PHRF1: variants seen among roughly 807,000 people sequenced by gnomAD.
PHRF1 encodes PHD and RING finger domain-containing protein 1.
In PHRF1, 53 loss-of-function variants were observed where a neutral mutation model predicts 128.9. The ratio of observed to expected loss-of-function variants is 0.41; its 90% confidence interval spans 0.33 to 0.52. The LOEUF (loss-of-function observed/expected upper bound fraction) is 0.52. PHRF1 is among the 20% of genes least tolerant of loss of function. The pLI, the probability that PHRF1 is intolerant of heterozygous loss-of-function variation, is 0.21. For synonymous variants in PHRF1, 1,178 were observed against 980.6 expected (o/e 1.20, Z -3.76); for missense variants, 2,503 against 2,284.5 (o/e 1.10, Z -1.95).
intron 3 of PHRF1, among the ~76,000 whole-genome samples, chr11:586,536 C>T (rs1232056635): frequency 2.0e-5 from 3 of 152,220 alleles, no homozygotes; most frequent in African/African-American, 7.2e-5. Context: ...CTGCCACCCA[C>T]ACCGAGTCTG....
intron 9 of PHRF1, among the ~76,000 whole-genome samples, chr11:600,827 A>G (rs1478986819): frequency 1.3e-5 from 2 of 152,098 alleles, no homozygotes; most frequent in African/African-American, 4.8e-5. Flanking sequence ...TTAGCCGGGC[A>G]TGGTGGCGGG....
In PHRF1 at chr11:582,587, C is replaced by T. The variant is rs191605950; in HGVS notation, c.214+506C>T. 4.2e-3 allele frequency among the ~76,000 whole-genome samples: 631 copies of T among 152,018 alleles called. 6 individuals are homozygous for T. Among genetic ancestry groups the T allele is most frequent in the Middle Eastern group, 0.02 (6 of 294 alleles). On this transcript the variant is annotated intron_variant, in intron 3 of 17. Transcript: ENST00000264555. Reference sequence around the variant, plus strand: ...GTCGCCCAGGCTGAGTGCAGTGGCGCGATCTCGGCTCACTGCAAGCTCTGC... The same window carrying T: ...GTCGCCCAGGCTGAGTGCAGTGGCGTGATCTCGGCTCACTGCAAGCTCTGC...
intron 5 of PHRF1, 71 bp downstream of exon 5, chr11:591,538 T>C: frequency 7.8e-7 from 1 of 1,287,394 alleles, no homozygotes; most frequent in Non-Finnish European, 1.1e-6. Flanking sequence ...GAGCATGCTT[T>C]CCAAAGTGGG....
chr11:609,593 G>C lies in PHRF1; in HGVS notation c.4137G>C (p.Gln1379His), dbSNP rs1276525910. 6.3e-7 allele frequency: 1 copy of C among 1,595,452 alleles called. No individual in the cohort carries two copies. The highest frequency in any genetic ancestry group is 8.5e-7 in the Non-Finnish European group (1 of 1,172,622). ...GCCCCTCTGCGAGTGGGAGGGTACA[G>C]GAGGCAGCCCGGCCTGAGGAGGTGG... Reference protein sequence around the residue: ...EDSPSASGRVQEAARPEEVVS... With the variant: ...EDSPSASGRVHEAARPEEVVS... The change falls in exon 14 of 18, where the codon CAG becomes CAC. Residue 1379 changes from glutamine to histidine, a missense_variant. Gln to His is a conservative substitution (Grantham distance 24, BLOSUM62 0). Transcript: ENST00000264555.
intron 9 of PHRF1, among the ~76,000 whole-genome samples, chr11:598,723 A>G (rs36060383): frequency 2.0e-5 from 3 of 152,110 alleles, no homozygotes; most frequent in African/African-American, 7.2e-5. Flanking sequence ...TGTCAGGGTG[A>G]TGCCGGCCTT....
chr11:594,285 T>C (rs1407833573), intron 6 of PHRF1, among the ~76,000 whole-genome samples: 2 of 152,156 alleles, frequency 1.3e-5, no homozygotes, highest in African/African-American at 4.8e-5. Context: ...GACCTGGTCC[T>C]GGTCGCCACA....
In PHRF1 at chr11:587,386, A is replaced by T. The variant is rs1461741712; in HGVS notation, c.342A>T (p.Ala114=). 3 of 1,613,908 alleles carry T rather than the reference A, an allele frequency of 1.9e-6. No homozygotes were observed. The highest frequency in any genetic ancestry group is 1.1e-5 in the South Asian group (1 of 91,074). ...DAESCPICLN[A]FRDQAVGTPE... ...AGAGCTGCCCAATCTGTCTCAACGC[A>T]TTCAGAGACCAGGCCGTGGGGACGC... Residue 114 remains alanine (A), a synonymous_variant, in exon 4 of 18, where the codon GCA becomes GCT. Transcript: ENST00000264555.
chr11:600,254 CTTTT>C (rs753738754), intron 9 of PHRF1, among the ~76,000 whole-genome samples: 2 of 141,684 alleles, frequency 1.4e-5, no homozygotes, highest in Admixed American at 7.1e-5. Context: ...ATTTTTATTC[CTTTT>C]TTTTTTTTTT....
chr11:610,478 C>G (rs772955094), intron 15 of PHRF1, 23 bp from the exon 16 acceptor site: 2 of 1,594,022 alleles, frequency 1.3e-6, no homozygotes, highest in South Asian at 2.2e-5. Flanking sequence ...GGGCCCAGTG[C>G]TCAGCAGGGG....
Position 611,989 on chromosome 11 carries a change from G to A in PHRF1, c.*212G>A. 1 of 695,000 alleles carries A rather than the reference G, an allele frequency of 1.4e-6. No homozygotes were observed. Among genetic ancestry groups the A allele is most frequent in the Non-Finnish European group, 2.3e-6 (1 of 426,294 alleles). The allele number at this position is 695,000 out of a possible 1,614,324, so 43.1% of individuals were successfully genotyped here. A position where few individuals can be genotyped will look rare whatever the true frequency, so the allele number is the denominator to read the frequency against. The stretch of plus-strand genomic sequence containing the variant: ...CTGTGTTGCTCACAGTTGAAAACTG[G>A]ACACTTTTGTATGTATATTATAGAG... On this transcript the variant is annotated 3_prime_UTR_variant, in exon 18 of 18. Transcript: ENST00000264555.
intron 10 of PHRF1, among the ~76,000 whole-genome samples, chr11:603,725 G>GTTTTTTTT (rs1233128066): frequency 1.9e-5 from 2 of 103,280 alleles, no homozygotes; most frequent in Non-Finnish European, 1.8e-5. Flanking sequence ...CCATATTTAA[G>GTTTTTTTT]TTTGTTTTTT....
Position 597,678 on chromosome 11 carries a change from G to GA in PHRF1, c.894+108_894+109insA. 1 of 1,363,320 alleles carries GA rather than the reference G, an allele frequency of 7.3e-7. No individual in the cohort carries two copies. Among genetic ancestry groups the GA allele is most frequent in the Non-Finnish European group, 9.9e-7 (1 of 1,008,606 alleles). The allele number at this position is 1,363,320 out of a possible 1,614,324, so 84.5% of individuals were successfully genotyped here. A position where few individuals can be genotyped will look rare whatever the true frequency, so the allele number is the denominator to read the frequency against. On this transcript the variant is annotated intron_variant, in intron 8 of 17. Coordinates refer to ENST00000264555, the MANE Select transcript of PHRF1 (RefSeq NM_001286581.2). The surrounding 1 kb of genome is among the most constrained non-coding windows in gnomAD (Gnocchi z 6.5). ...TCGTCGGCACTGTGGGGTCCGCCCG[G>GA]CCCCGGTGGCTCATGTTGTTCGGCC...
In PHRF1 at chr11:608,734, C is replaced by T. The variant is rs768096415; in HGVS notation, c.3278C>T (p.Ser1093Leu). The T allele has an allele frequency of 1.2e-5, 19 of 1,611,204 alleles. No homozygotes were observed. The African/African-American group carries it at 1.3e-4, about 11-fold the overall frequency. ...GHSRRTSRSR[S>L]GSPGSSSYEH... ...AGCCGGAGGACGTCCCGGTCGCGGT[C>T]GGGGAGCCCTGGCAGCTCTTCCTAT... The change falls in exon 14 of 18, where the codon TCG (serine) becomes TTG (leucine). Residue 1093 changes from serine (S) to leucine (L), a missense_variant. Physicochemically the swap from Ser to Leu is moderately radical, Grantham distance 145 (BLOSUM62 -2). Transcript: ENST00000264555.
At chr11:603,414 C>G (rs1855756155) in intron 10 of PHRF1, among the ~76,000 whole-genome samples, 1 of 151,798 alleles carries the variant, frequency 6.6e-6, no homozygotes, top group African/African-American at 2.4e-5. Flanking sequence ...CTCACTGCAC[C>G]CGCCTTGACC....
chr11:606,365 C>T, intron 12 of PHRF1, 77 bp from the exon 13 acceptor site: 1 of 1,456,130 alleles, frequency 6.9e-7, no homozygotes, highest in Non-Finnish European at 9.1e-7. Context: ...CTCCCGCCTG[C>T]TGCGGGGCTC....
chr11:602,138 C>A (rs1301630140), intron 10 of PHRF1, among the ~76,000 whole-genome samples: 2 of 152,188 alleles, frequency 1.3e-5, no homozygotes, highest in African/African-American at 4.8e-5. Flanking sequence ...TCTTCTGACC[C>A]ATGTTCGCTG....
intron 10 of PHRF1, among the ~76,000 whole-genome samples, chr11:602,849 A>G (rs999235808): frequency 7.0e-6 from 1 of 142,878 alleles, no homozygotes; most frequent in Non-Finnish European, 1.5e-5. Context: ...TGCACCCTCC[A>G]CCTCCCGGGT....
chr11:581,872 C>T lies in PHRF1; in HGVS notation c.95-90C>T, dbSNP rs371389956. The T allele has an allele frequency of 4.8e-5, 70 of 1,456,702 alleles. 1 individual carries two copies. In the South Asian group the frequency reaches 8.8e-4, roughly 18 times the overall value. The allele number at this position is 1,456,702 out of a possible 1,614,324, so 90.2% of individuals were successfully genotyped here. On this transcript the variant is annotated intron_variant, in intron 2 of 17. Transcript: ENST00000264555. ...GCCGTTAGCCGTTTGGCAGGTGCTC[C>T]TGACGCCTCTATGCCTGTGCAAAGC... is the stretch of plus-strand genomic sequence containing the variant.
In PHRF1 at chr11:608,909, T is replaced by A. The variant is rs760268162; in HGVS notation, c.3453T>A (p.Ser1151Arg). The A allele has an allele frequency of 1.3e-5, 21 of 1,608,864 alleles. No individual in the cohort carries two copies. In the Middle Eastern group the frequency reaches 9.9e-4, roughly 76 times the overall value. The change falls in exon 14 of 18, where the codon AGT becomes AGA. Residue 1151 changes from serine (S) to arginine (R), a missense_variant. Coordinates refer to ENST00000264555, the MANE Select transcript of PHRF1 (RefSeq NM_001286581.2). The stretch of plus-strand genomic sequence containing the variant: ...ACGAGCGGCCAGACAGGAAGGAGAG[T>A]GTGGCGTGGCCCCGAGACCGGAGGA... ...RSHERPDRKESVAWPRDRRKR... is the reference protein window; with the variant it reads ...RSHERPDRKERVAWPRDRRKR...
Sources: gnomAD v4.1 joint callset for allele counts (sites outside exome capture counted in the v4.1 genomes callset) on GRCh38, gnomAD v4.1.1 for gene constraint, Gnocchi (gnomAD v3.1) non-coding constraint, MANE v1.5 for transcripts, NCBI Gene and HGNC (gene_info 2026-07-23, HGNC 2026-07-21) for gene names.